Variants in C13orf42 observed in about 807,000 individuals in gnomAD.
C13orf42 encodes chromosome 13 open reading frame 42, also known as uncharacterized protein C13orf42.
At chr13:51,167,555 C>T (rs1953912437) in intron 1 of C13orf42, among the ~76,000 whole-genome samples, 1 of 152,080 alleles carries the variant, frequency 6.6e-6, no homozygotes, top group Admixed American at 6.6e-5. Context: ...GCACAGGGTC[C>T]CTGATGGTGG....
intron 1 of C13orf42, among the ~76,000 whole-genome samples, chr13:51,133,181 A>G (rs1003233859): frequency 3.9e-5 from 6 of 152,056 alleles, no homozygotes; most frequent in Non-Finnish European, 8.8e-5. Context: ...TACTATACGG[A>G]CTCACCGTGA....
chr13:51,125,252 A>G (rs1039910253), intron 1 of C13orf42, among the ~76,000 whole-genome samples: 1 of 152,214 alleles, frequency 6.6e-6, no homozygotes, highest in African/African-American at 2.4e-5. Context: ...AAACGTGTCT[A>G]TCCTGACCTA....
At chr13:51,122,359 C>A (rs941561200) in intron 1 of C13orf42, among the ~76,000 whole-genome samples, 2 of 151,590 alleles carry the variant, frequency 1.3e-5, no homozygotes, top group African/African-American at 4.8e-5. Flanking sequence ...CATGGTGAAA[C>A]CCTGTCTCTA....
chr13:51,140,659 T>C (rs569181537), intron 1 of C13orf42, among the ~76,000 whole-genome samples: 1 of 152,136 alleles, frequency 6.6e-6, no homozygotes. Context: ...AAACTCCTCA[T>C]TATTATTATT....
chr13:51,168,954 C>A (rs1953923560), intron 1 of C13orf42, among the ~76,000 whole-genome samples: 2 of 152,164 alleles, frequency 1.3e-5, no homozygotes, highest in South Asian at 4.1e-4. Flanking sequence ...TGAGGCCTCA[C>A]CAGCCATGTT....
At chr13:51,129,560 T>C (rs1448154792) in intron 1 of C13orf42, among the ~76,000 whole-genome samples, 1 of 152,204 alleles carries the variant, frequency 6.6e-6, no homozygotes, top group Non-Finnish European at 1.5e-5. Context: ...TTTCTCTGGC[T>C]TCCCTGAGTG....
intron 1 of C13orf42, among the ~76,000 whole-genome samples, chr13:51,091,719 T>C (rs946417041): frequency 2.0e-5 from 3 of 152,062 alleles, no homozygotes; most frequent in Non-Finnish European, 4.4e-5. Context: ...GACCCGAACA[T>C]AGGGGAGACA....
chr13:51,134,215 T>C (rs1178380435), intron 1 of C13orf42, among the ~76,000 whole-genome samples: 3 of 152,162 alleles, frequency 2.0e-5, no homozygotes, highest in Non-Finnish European at 2.9e-5. Context: ...TGTCCCAAAC[T>C]TTCCCAATTC....
intron 1 of C13orf42, among the ~76,000 whole-genome samples, chr13:51,127,705 A>C (rs1369526055): frequency 1.3e-5 from 2 of 152,254 alleles, no homozygotes; most frequent in African/African-American, 2.4e-5. Flanking sequence ...ATATAGTATA[A>C]AATTTACATT....
intron 1 of C13orf42, among the ~76,000 whole-genome samples, chr13:51,117,975 T>C (rs1953505381): frequency 6.6e-6 from 1 of 152,110 alleles, no homozygotes; most frequent in Non-Finnish European, 1.5e-5. Flanking sequence ...AATAGAAAAA[T>C]GGGAAGGAAA....
intron 1 of C13orf42, among the ~76,000 whole-genome samples, chr13:51,169,930 T>C (rs1188466127): frequency 2.0e-5 from 3 of 152,240 alleles, no homozygotes; most frequent in Admixed American, 6.5e-5. Flanking sequence ...TACGCCCAGA[T>C]GGCCTGAAGT....
chr13:51,118,834 CAGTATGCCCAGGGGTAT>C (rs771951011), intron 1 of C13orf42, among the ~76,000 whole-genome samples: 2 of 152,140 alleles, frequency 1.3e-5, no homozygotes, highest in Non-Finnish European at 2.9e-5. Context: ...CTTGGGCATA[CAGTATGCCCAGGGGTAT>C]AGTATGCCCA....
chr13:51,139,727 T>C (rs528325017), intron 1 of C13orf42, among the ~76,000 whole-genome samples: 1 of 152,188 alleles, frequency 6.6e-6, no homozygotes, highest in African/African-American at 2.4e-5. Context: ...CATGGCAACA[T>C]CAAGAAGTTA....
At chr13:51,092,381 T>C (rs1953188978) in intron 1 of C13orf42, among the ~76,000 whole-genome samples, 1 of 152,234 alleles carries the variant, frequency 6.6e-6, no homozygotes, top group African/African-American at 2.4e-5. Context: ...ATTTGAATTA[T>C]TCATTTGTTT....
At chr13:51,119,055 T>C (rs1207675175) in intron 1 of C13orf42, among the ~76,000 whole-genome samples, 1 of 149,464 alleles carries the variant, frequency 6.7e-6, no homozygotes, top group Non-Finnish European at 1.5e-5. Flanking sequence ...CTCAGGCATA[T>C]GGCATGCCCT....
chr13:51,128,530 G>C (rs530516748), intron 1 of C13orf42, among the ~76,000 whole-genome samples: 2 of 152,226 alleles, frequency 1.3e-5, no homozygotes, highest in East Asian at 1.9e-4. Flanking sequence ...AGACAGAATG[G>C]GCTAAAGGCC....
At chr13:51,095,921 T>C (rs2137984843) in intron 1 of C13orf42, among the ~76,000 whole-genome samples, 2 of 152,334 alleles carry the variant, frequency 1.3e-5, no homozygotes, top group Non-Finnish European at 2.9e-5. Context: ...ACATAATTCA[T>C]AATTTTTTTG....
chr13:51,160,788 A>G (rs1953858447), intron 1 of C13orf42, among the ~76,000 whole-genome samples: 1 of 152,152 alleles, frequency 6.6e-6, no homozygotes, highest in Non-Finnish European at 1.5e-5. Context: ...TTTTTAAATT[A>G]TCTATTAAAA....
At chr13:51,143,998 TG>T (rs1311665760) in intron 1 of C13orf42, among the ~76,000 whole-genome samples, 1 of 152,172 alleles carries the variant, frequency 6.6e-6, no homozygotes, top group African/African-American at 2.4e-5. Flanking sequence ...TAAAATTGTG[TG>T]CCATGGAGGT....
Sources: gnomAD v4.1 joint callset for allele counts (sites outside exome capture counted in the v4.1 genomes callset) on GRCh38, gnomAD v4.1.1 for gene constraint, MANE v1.5 for transcripts, NCBI Gene and HGNC (gene_info 2026-07-23, HGNC 2026-07-21) for gene names.